The following CENPP variants were observed in gnomAD, a reference collection of about 807,000 sequenced individuals.
CENPP encodes the protein centromere protein P.
Under a neutral mutation model 35.6 loss-of-function variants are expected in CENPP, and 24 were observed. The ratio of observed to expected loss-of-function variants is 0.67; its 90% confidence interval spans 0.49 to 0.95. CENPP has a LOEUF of 0.95. Among genes scored for constraint, CENPP ranks in the 40% least tolerant of loss-of-function variants. The probability of loss-of-function intolerance (pLI) is 0.00; values close to 1 mark genes in which losing one functional copy is unlikely to be tolerated. For synonymous variants in CENPP, 120 were observed against 125.5 expected (o/e 0.96, Z 0.29); for missense variants, 332 against 345.3 (o/e 0.96, Z 0.31).
intron 5 of CENPP, among the ~76,000 whole-genome samples, chr9:92,480,343 A>T (rs1277072027): frequency 6.6e-6 from 1 of 152,218 alleles, no homozygotes; most frequent in Non-Finnish European, 1.5e-5. Context: ...TTACTGAGAA[A>T]AAGCAGAGGC....
At chr9:92,567,232 T>C (rs767718251) in intron 5 of CENPP, among the ~76,000 whole-genome samples, 4 of 151,912 alleles carry the variant, frequency 2.6e-5, no homozygotes, top group Non-Finnish European at 4.4e-5. Flanking sequence ...ATAAGGCAAA[T>C]AGAGCAATTA....
At chr9:92,534,991 G>A (rs1019479636) in intron 5 of CENPP, among the ~76,000 whole-genome samples, 3 of 152,166 alleles carry the variant, frequency 2.0e-5, no homozygotes, top group Non-Finnish European at 2.9e-5. Context: ...CACTTATGGG[G>A]CATTGCCTGA....
chr9:92,325,637 G>A (rs1179690647), upstream of CENPP: 1 of 240,310 alleles, frequency 4.2e-6, no homozygotes, highest in African/African-American at 2.3e-5. Flanking sequence ...TCCCCTCCAC[G>A]TGATCCCAGC....
At chr9:92,505,497 T>C (rs1846945900) in intron 5 of CENPP, 7 of 1,521,396 alleles carry the variant, frequency 4.6e-6, no homozygotes, top group South Asian at 1.2e-5. Context: ...ATTTCAAATA[T>C]AATACATTTA....
At chr9:92,380,223 C>G (rs1842213367) in intron 5 of CENPP, among the ~76,000 whole-genome samples, 1 of 152,218 alleles carries the variant, frequency 6.6e-6, no homozygotes, top group African/African-American at 2.4e-5. Context: ...GAGCCAGACT[C>G]TGTGTTTTCA....
intron 5 of CENPP, among the ~76,000 whole-genome samples, chr9:92,567,369 G>GATATATATATATATAT (rs888840109): frequency 5.8e-4 from 60 of 104,088 alleles, no homozygotes; most frequent in South Asian, 1.2e-3. Context: ...AGTTACATAA[G>GATATATATATATATAT]ATAGATATAT....
chr9:92,455,889 G>A lies in CENPP; in HGVS notation c.564+76030G>A, dbSNP rs553446144. ...GTTCGAGACTAGCCTGGCCAACATG[G>A]TGAAACCCCGTCTCTACTAAAGATA... On this transcript the variant is annotated intron_variant, in intron 5 of 7. Transcript: ENST00000375587. 1.1e-3 allele frequency among the ~76,000 whole-genome samples: 160 copies of A among 152,274 alleles called. 1 individual carries two copies. The highest frequency in any genetic ancestry group is 3.7e-3 in the African/African-American group (152 of 41,556).
chr9:92,511,617 C>CA (rs1054055464), intron 5 of CENPP, among the ~76,000 whole-genome samples: 2 of 151,688 alleles, frequency 1.3e-5, no homozygotes, highest in African/African-American at 2.4e-5. Flanking sequence ...ATTGCACACA[C>CA]AAAAAAAGGA....
At chr9:92,364,278 C>T (rs1841833040) in intron 4 of CENPP, among the ~76,000 whole-genome samples, 1 of 152,138 alleles carries the variant, frequency 6.6e-6, no homozygotes, top group Non-Finnish European at 1.5e-5. Flanking sequence ...AGCAGTCATC[C>T]TGCCTTGGCC....
At chr9:92,571,845 T>G (rs1850148781) in intron 5 of CENPP, among the ~76,000 whole-genome samples, 1 of 152,174 alleles carries the variant, frequency 6.6e-6, no homozygotes, top group Non-Finnish European at 1.5e-5. Flanking sequence ...TGGCCTTCTT[T>G]GTCTCTTTTG....
At chr9:92,586,538 T>C (rs1850546127) in intron 5 of CENPP, among the ~76,000 whole-genome samples, 1 of 152,106 alleles carries the variant, frequency 6.6e-6, no homozygotes, top group African/African-American at 2.4e-5. Context: ...CGGTATTGGA[T>C]ACATACTCAG....
chr9:92,599,071 G>C (rs1564016571), intron 5 of CENPP, among the ~76,000 whole-genome samples: 1 of 151,790 alleles, frequency 6.6e-6, no homozygotes, highest in Non-Finnish European at 1.5e-5. Flanking sequence ...CTGCACTCCA[G>C]CCTGGGATGG....
rs1396948310 is a variant in CENPP, at chr9:92,619,748, C to T, written c.*6599C>T. ...GGTCGCCCTGTGAGAGCACCTGGGC[C>T]AGCCCTCAGTGCCACGGGGCTGCTC... On this transcript the variant is annotated 3_prime_UTR_variant, in exon 8 of 8. Transcript: ENST00000375587. 1.8e-5 allele frequency: 11 copies of T among 620,182 alleles called. No individual in the cohort carries two copies. The highest frequency in any genetic ancestry group is 2.9e-5 in the Non-Finnish European group (10 of 342,150). The allele number at this position is 620,182 out of a possible 1,614,324, so 38.4% of individuals were successfully genotyped here.
In CENPP at chr9:92,395,519, A is replaced by G. The variant is rs182716888; in HGVS notation, c.564+15660A>G. Among the ~76,000 whole-genome samples, 123 of 152,296 alleles carry G rather than the reference A, an allele frequency of 8.1e-4. 1 individual carries two copies. The highest frequency in any genetic ancestry group is 8.7e-4 in the Non-Finnish European group (59 of 68,026). ...CTTAATGCTTTCATTTCTCTTGGGT[A>G]AGTACCTAAGGAGTGGAATGGCTGG... On this transcript the variant is annotated intron_variant, in intron 5 of 7. Coordinates refer to ENST00000375587, the MANE Select transcript of CENPP (RefSeq NM_001012267.3).
At chr9:92,363,053 A>G (rs1365198626) in intron 4 of CENPP, among the ~76,000 whole-genome samples, 3 of 152,162 alleles carry the variant, frequency 2.0e-5, no homozygotes, top group Non-Finnish European at 2.9e-5. Flanking sequence ...CAGGCTCACA[A>G]TATACCTGTC....
At chr9:92,460,530 A>G (rs1845068435) in intron 5 of CENPP, 2 of 1,602,908 alleles carry the variant, frequency 1.2e-6, no homozygotes, top group South Asian at 1.1e-5. Context: ...AAATTTTATT[A>G]TAATCTAAGT....
At chr9:92,344,585 T>C (rs2130801435) in intron 3 of CENPP, among the ~76,000 whole-genome samples, 1 of 152,186 alleles carries the variant, frequency 6.6e-6, no homozygotes, top group South Asian at 2.1e-4. Context: ...TCTCGCTCTG[T>C]TGCGCAGGCT....
At chr9:92,346,053 A>G (rs1340191781) in intron 4 of CENPP, among the ~76,000 whole-genome samples, 3 of 152,254 alleles carry the variant, frequency 2.0e-5, no homozygotes, top group Non-Finnish European at 4.4e-5. Flanking sequence ...CATGGAATTG[A>G]CAGTCTAGTG....
intron 5 of CENPP, among the ~76,000 whole-genome samples, chr9:92,606,818 C>T (rs1032195774): frequency 6.6e-6 from 1 of 152,214 alleles, no homozygotes; most frequent in Non-Finnish European, 1.5e-5. Context: ...GCAGGAGAAT[C>T]GCTTGAACCC....
Sources: allele counts gnomAD v4.1 joint callset (sites outside exome capture counted in the v4.1 genomes callset), GRCh38; gene constraint gnomAD v4.1.1; transcripts MANE v1.5; gene names NCBI Gene and HGNC (gene_info 2026-07-23, HGNC 2026-07-21).